The following KSR2 variants were observed in gnomAD, a reference collection of about 807,000 sequenced individuals.
KSR2 encodes kinase suppressor of ras 2.
A neutral mutation model predicts 107.8 loss-of-function variants in KSR2; 25 were observed. That is an observed-to-expected ratio of 0.23 (90% CI 0.17 to 0.32). The LOEUF (loss-of-function observed/expected upper bound fraction) is 0.32. Ranked by LOEUF, KSR2 falls within the 10% of genes least tolerant of loss-of-function variation. KSR2 has a pLI of 1.00. For missense variants in KSR2, 887 were observed against 1,268.9 expected, an observed-to-expected ratio of 0.70 and a Z score of 4.57; for synonymous variants, 480 against 507.0, an observed-to-expected ratio of 0.95 and a Z score of 0.71.
chr12:117,626,416 A>C (rs1882518579), intron 5 of KSR2, among the ~76,000 whole-genome samples: 1 of 152,118 alleles, frequency 6.6e-6, no homozygotes, highest in Non-Finnish European at 1.5e-5. Flanking sequence ...CTTTGTTCTC[A>C]TTGGTTTCAA....
At chr12:117,643,806 C>A (rs911199436) in intron 5 of KSR2, among the ~76,000 whole-genome samples, 3 of 152,122 alleles carry the variant, frequency 2.0e-5, no homozygotes, top group Non-Finnish European at 4.4e-5. Context: ...ATCCACAGAA[C>A]CAGCATTTAG....
intron 16 of KSR2, among the ~76,000 whole-genome samples, chr12:117,483,947 G>A (rs565789357): frequency 3.3e-5 from 5 of 152,258 alleles, no homozygotes; most frequent in South Asian, 4.2e-4. Flanking sequence ...GACGTTGTTC[G>A]GCTTGATTAA....
At chr12:117,891,037 A>G (rs1399133861) in intron 1 of KSR2, 1 of 152,244 alleles carries the variant, frequency 6.6e-6, no homozygotes, top group East Asian at 1.9e-4. Flanking sequence ...GAATAAAGGC[A>G]GTAGGGGACA....
chr12:117,828,181 T>G (rs1891826602), intron 3 of KSR2, among the ~76,000 whole-genome samples: 1 of 152,194 alleles, frequency 6.6e-6, no homozygotes, highest in South Asian at 2.1e-4. Flanking sequence ...CCCCAGGGCC[T>G]ACCCAGTGTC....
At chr12:117,485,515 A>G (rs932605191) in intron 15 of KSR2, 80 bp downstream of exon 15, 11 of 1,010,388 alleles carry the variant, frequency 1.1e-5, no homozygotes, top group Non-Finnish European at 1.4e-5. Context: ...GAATCTTAGG[A>G]GCCCTGGGGT....
chr12:117,742,206 C>G (rs1452367200), intron 4 of KSR2, among the ~76,000 whole-genome samples: 1 of 152,132 alleles, frequency 6.6e-6, no homozygotes, highest in African/African-American at 2.4e-5. Flanking sequence ...AGGAATTGTT[C>G]CTGATTAAAG....
intron 5 of KSR2, among the ~76,000 whole-genome samples, chr12:117,616,071 T>C (rs1881868680): frequency 1.3e-5 from 2 of 151,018 alleles, no homozygotes; most frequent in Admixed American, 6.6e-5. Context: ...GGAGGAGGAT[T>C]GCTTGATCCT....
chr12:117,511,996 A>G (rs1181161735), intron 14 of KSR2, among the ~76,000 whole-genome samples: 1 of 152,134 alleles, frequency 6.6e-6, no homozygotes, highest in African/African-American at 2.4e-5. Flanking sequence ...AAATAGTCCC[A>G]CTAACCTGGT....
intron 14 of KSR2, chr12:117,517,661 G>A (rs979430108): frequency 2.8e-6 from 1 of 359,142 alleles, no homozygotes; most frequent in Non-Finnish European, 5.4e-6. Flanking sequence ...AAAGTCCCAG[G>A]GTGCTTTACA....
intron 1 of KSR2, among the ~76,000 whole-genome samples, chr12:117,882,010 A>G (rs1894043744): frequency 6.6e-6 from 1 of 152,180 alleles, no homozygotes; most frequent in Non-Finnish European, 1.5e-5. Flanking sequence ...AAGGATATAC[A>G]TTTCCCTGAA....
chr12:117,797,110 C>A (rs1320752053), intron 3 of KSR2, among the ~76,000 whole-genome samples: 2 of 152,238 alleles, frequency 1.3e-5, no homozygotes, highest in East Asian at 3.9e-4. Context: ...ATAGAATGAC[C>A]ACAGGACAGC....
intron 1 of KSR2, among the ~76,000 whole-genome samples, chr12:117,863,444 A>G (rs1418453096): frequency 6.6e-6 from 1 of 152,186 alleles, no homozygotes; most frequent in African/African-American, 2.4e-5. Context: ...CCCAGCAGTG[A>G]GCGGAGAAAC....
intron 4 of KSR2, among the ~76,000 whole-genome samples, chr12:117,734,735 T>C (rs889537267): frequency 4.0e-5 from 6 of 150,900 alleles, no homozygotes; most frequent in African/African-American, 1.5e-4. Context: ...GATGGACGCA[T>C]GCATGCATGC....
chr12:117,745,438 ATACATCT>A (rs1888373390), intron 4 of KSR2, among the ~76,000 whole-genome samples: 1 of 152,214 alleles, frequency 6.6e-6, no homozygotes, highest in East Asian at 1.9e-4. Flanking sequence ...TTTGCAAGTC[ATACATCT>A]GATAAGAGGT....
chr12:117,533,862 G>A (rs1227842626), intron 10 of KSR2, among the ~76,000 whole-genome samples: 2 of 152,146 alleles, frequency 1.3e-5, no homozygotes, highest in Non-Finnish European at 1.5e-5. Flanking sequence ...CGAAGCCAAC[G>A]CCCTCCTTGA....
chr12:117,612,123 A>T (rs1482102804), intron 5 of KSR2, among the ~76,000 whole-genome samples: 3 of 152,088 alleles, frequency 2.0e-5, no homozygotes, highest in African/African-American at 7.2e-5. Flanking sequence ...GGTATATCTC[A>T]TCCAGGCGCA....
chr12:117,891,170 C>T (rs538042059), intron 1 of KSR2, among the ~76,000 whole-genome samples: 116 of 152,308 alleles, frequency 7.6e-4, no homozygotes, highest in African/African-American at 2.7e-3. Context: ...AATCCCAACA[C>T]TTTGGGAGGC....
chr12:117,496,293 T>C (rs957407584), intron 14 of KSR2, among the ~76,000 whole-genome samples: 2 of 152,130 alleles, frequency 1.3e-5, no homozygotes, highest in Non-Finnish European at 2.9e-5. Context: ...CCAGGAAGAA[T>C]TGCAGGGAAA....
chr12:117,754,791 ACTCCAT>A (rs1888730382), intron 4 of KSR2, among the ~76,000 whole-genome samples: 2 of 152,022 alleles, frequency 1.3e-5, no homozygotes, highest in Non-Finnish European at 2.9e-5. Context: ...ACAGAGCAAG[ACTCCAT>A]CTCAAAAAAT....
Sources: gnomAD v4.1 joint callset for allele counts (sites outside exome capture counted in the v4.1 genomes callset) on GRCh38, gnomAD v4.1.1 for gene constraint, MANE v1.5 for transcripts, NCBI Gene and HGNC (gene_info 2026-07-23, HGNC 2026-07-21) for gene names.